The following DCAF1 variants were observed in gnomAD, a reference collection of about 807,000 sequenced individuals.
The protein encoded by DCAF1 is DDB1- and CUL4-associated factor 1.
Under a neutral mutation model 128.0 loss-of-function variants are expected in DCAF1, and 15 were observed. That is an observed-to-expected ratio of 0.12 (90% CI 0.08 to 0.18). The LOEUF (loss-of-function observed/expected upper bound fraction) is 0.18, where lower values mean the gene tolerates loss of function less well. Among genes scored for constraint, DCAF1 ranks in the 10% least tolerant of loss-of-function variants. DCAF1 has a pLI of 1.00. For missense variants in DCAF1, 988 were observed against 1,649.5 expected, an observed-to-expected ratio of 0.60 and a Z score of 6.95; for synonymous variants, 610 against 603.0, an observed-to-expected ratio of 1.01 and a Z score of -0.17.
At chr3:51,485,891 T>A (rs1342228533) in intron 2 of DCAF1, among the ~76,000 whole-genome samples, 1,015 of 4,718 alleles carry the variant, frequency 0.22, 7 homozygotes, top group African/African-American at 0.36. Flanking sequence ...ATTTATTTTT[T>A]TTTTTTTTTT....
At chr3:51,417,280 G>A (rs546161018) in intron 17 of DCAF1, among the ~76,000 whole-genome samples, 34 of 152,228 alleles carry the variant, frequency 2.2e-4, no homozygotes, top group Middle Eastern at 3.4e-3. Context: ...TTAGCCAGGC[G>A]TGGTGGCATA....
chr3:51,478,678 G>A (rs1448186965), intron 3 of DCAF1, among the ~76,000 whole-genome samples: 2 of 151,588 alleles, frequency 1.3e-5, no homozygotes, highest in Non-Finnish European at 2.9e-5. Flanking sequence ...TAATTAAGAC[G>A]GGGTCTTACT....
At chr3:51,457,535 A>G (rs951238228) in intron 6 of DCAF1, among the ~76,000 whole-genome samples, 2 of 152,234 alleles carry the variant, frequency 1.3e-5, no homozygotes, top group Non-Finnish European at 2.9e-5. Flanking sequence ...AAGGCAGGCC[A>G]ACATTCAAAT....
intron 1 of DCAF1, among the ~76,000 whole-genome samples, chr3:51,497,426 A>T (rs1337275030): frequency 4.6e-5 from 7 of 151,780 alleles, no homozygotes; most frequent in African/African-American, 1.7e-4. Flanking sequence ...GTGTCTACTA[A>T]AAATACAAAA....
rs370481869 is a variant in DCAF1 at position 51,416,831 on chromosome 3, G to C, written c.3559C>G (p.His1187Asp). 2 of 1,611,744 alleles carry C rather than the reference G, an allele frequency of 1.2e-6. No homozygotes were observed. The highest frequency in any genetic ancestry group is 3.3e-5 in the Admixed American group (2 of 59,758). The change falls in exon 18 of 25, where the codon CAC becomes GAC. Residue 1187 changes from histidine (H) to aspartate (D), a missense_variant. Around this residue, in one of 11 missense-constraint regions of DCAF1, gnomAD observed 61 missense variants for 78.3 expected, o/e 0.78. Transcript: ENST00000684031. ...TEDHYVEFSK[H>D]SQDRVIGTKG... ...GTGCCGATGACCCGATCCTGGGAGTGCTTACTGAACTCAACATAGTGATCT... is the reference window on the plus strand; with the variant it reads ...GTGCCGATGACCCGATCCTGGGAGTCCTTACTGAACTCAACATAGTGATCT...
At chr3:51,471,418 C>T (rs1553648375) in intron 3 of DCAF1, among the ~76,000 whole-genome samples, 2 of 151,622 alleles carry the variant, frequency 1.3e-5, no homozygotes, top group African/African-American at 4.8e-5. Flanking sequence ...CTCCTGACCT[C>T]GTGATCCACC....
intron 6 of DCAF1, among the ~76,000 whole-genome samples, chr3:51,446,997 A>AATAATAATAATAATG (rs1447399043): frequency 6.7e-6 from 1 of 148,436 alleles, no homozygotes; most frequent in Non-Finnish European, 1.5e-5. Flanking sequence ...TAATAATAAT[A>AATAATAATAATAATG]ATAAAATGTT....
chr3:51,422,344 G>A lies in DCAF1; in HGVS notation c.1935C>T (p.Asp645=), dbSNP rs368720351. 2.1e-5 allele frequency: 16 copies of A among 764,900 alleles called. No individual in the cohort carries two copies. Among genetic ancestry groups the A allele is most frequent in the African/African-American group, 5.1e-5 (3 of 58,888 alleles). 47.4% of individuals were successfully genotyped at this position (764,900 alleles called of 1,614,324 possible). A position where few individuals can be genotyped will look rare whatever the true frequency, so the allele number is the denominator to read the frequency against. ...CTGTAGATCCAGCCTCATCCAACAC[G>A]TCCACTGATTCTGCCAACTGGAGCT... ...KIQLQLAESV[D]VLDEAGSTVS... The change falls in exon 14 of 25, where the codon GAC becomes GAT. Residue 645 remains aspartate (D), a synonymous_variant. Coordinates refer to ENST00000684031, the MANE Select transcript of DCAF1 (RefSeq NM_001387579.1).
intron 2 of DCAF1, among the ~76,000 whole-genome samples, chr3:51,494,285 T>G (rs1355542594): frequency 6.6e-6 from 1 of 151,756 alleles, no homozygotes; most frequent in Non-Finnish European, 1.5e-5. Flanking sequence ...CGGCTACTTT[T>G]TTGTATTTGT....
At chr3:51,480,725 G>A (rs1326738866) in intron 3 of DCAF1, among the ~76,000 whole-genome samples, 1 of 151,930 alleles carries the variant, frequency 6.6e-6, no homozygotes, top group Non-Finnish European at 1.5e-5. Flanking sequence ...ATTTACAGTG[G>A]GCTGGGATTA....
intron 3 of DCAF1, among the ~76,000 whole-genome samples, chr3:51,472,200 C>T (rs368958456): frequency 3.9e-5 from 6 of 152,276 alleles, no homozygotes; most frequent in South Asian, 2.1e-4. Flanking sequence ...CTCCACCCTC[C>T]TGCATTAACC....
In DCAF1 at chr3:51,477,004, C is replaced by T. The variant is rs142232403; in HGVS notation, c.111-5999G>A. Among the ~76,000 whole-genome samples, 702 of 151,832 alleles carry T rather than the reference C, an allele frequency of 4.6e-3. 8 individuals are homozygous for T. Among genetic ancestry groups the T allele is most frequent in the Non-Finnish European group, 7.8e-3 (531 of 67,910 alleles). On this transcript the variant is annotated intron_variant, in intron 3 of 24. Coordinates refer to ENST00000684031, the MANE Select transcript of DCAF1 (RefSeq NM_001387579.1). ...GAGACTGAGGCAGGAGAATTGCTTG[C>T]ACCTGGGAGGCAGAGGTTGCAGAGC...
chr3:51,488,532 C>A (rs559817861), intron 2 of DCAF1, among the ~76,000 whole-genome samples: 2 of 151,978 alleles, frequency 1.3e-5, no homozygotes, highest in African/African-American at 2.4e-5. Flanking sequence ...AAAAATTAGG[C>A]CTGGCACGGT....
At chr3:51,457,079 T>C (rs1428167517) in intron 6 of DCAF1, among the ~76,000 whole-genome samples, 1 of 152,000 alleles carries the variant, frequency 6.6e-6, no homozygotes, top group Non-Finnish European at 1.5e-5. Context: ...CTTTGATGAG[T>C]TGAGAGAAGA....
intron 24 of DCAF1, among the ~76,000 whole-genome samples, chr3:51,401,182 T>C (rs550922218): frequency 2.0e-4 from 30 of 148,258 alleles, no homozygotes; most frequent in Middle Eastern, 3.5e-3. Flanking sequence ...TTTCTCTTCC[T>C]AGGGCCAGGG....
intron 3 of DCAF1, among the ~76,000 whole-genome samples, chr3:51,478,814 TA>T (rs1290978035): frequency 6.6e-6 from 1 of 152,108 alleles, no homozygotes; most frequent in Non-Finnish European, 1.5e-5. Context: ...CCAATGCCTC[TA>T]CCAGTTAAAA....
intron 6 of DCAF1, among the ~76,000 whole-genome samples, chr3:51,460,305 T>C (rs1553644094): frequency 6.6e-6 from 1 of 152,128 alleles, no homozygotes; most frequent in Admixed American, 6.6e-5. Flanking sequence ...GAACTCCCAT[T>C]CACAACTGCT....
intron 3 of DCAF1, among the ~76,000 whole-genome samples, chr3:51,483,160 G>C (rs563718432): frequency 4.2e-5 from 6 of 141,182 alleles, no homozygotes; most frequent in Admixed American, 2.9e-4. Context: ...AAAAAGCCAG[G>C]CTCAGTGGCT....
chr3:51,413,605 C>A (rs1553629320), intron 20 of DCAF1, among the ~76,000 whole-genome samples: 66 of 152,330 alleles, frequency 4.3e-4, no homozygotes, highest in Non-Finnish European at 1.2e-4. Context: ...CTCAGCCTCT[C>A]ATCTACCTCC....
Sources: allele counts gnomAD v4.1 joint callset (sites outside exome capture counted in the v4.1 genomes callset), GRCh38; gene constraint gnomAD v4.1.1; regional missense constraint gnomAD v4.1.1; transcripts MANE v1.5; gene names NCBI Gene and HGNC (gene_info 2026-07-23, HGNC 2026-07-21).